The following CAMK1D variants were observed in gnomAD, a reference collection of about 807,000 sequenced individuals.
CAMK1D encodes the protein calcium/calmodulin dependent protein kinase ID, also known as calcium/calmodulin-dependent protein kinase type 1D.
CAMK1D carries 9 observed loss-of-function variants against 47.7 expected under a neutral mutation model. That is an observed-to-expected ratio of 0.19 (90% CI 0.11 to 0.33). The LOEUF (loss-of-function observed/expected upper bound fraction) is 0.33. CAMK1D is among the 10% of genes least tolerant of loss of function. The pLI, the probability that CAMK1D is intolerant of heterozygous loss-of-function variation, is 1.00. For missense variants in CAMK1D, 291 were observed against 488.7 expected (o/e 0.60, Z 3.81); for synonymous variants, 184 against 184.9 (o/e 0.99, Z 0.04).
intron 2 of CAMK1D, among the ~76,000 whole-genome samples, chr10:12,622,999 G>A (rs368344321): frequency 2.0e-5 from 3 of 148,666 alleles, no homozygotes; most frequent in South Asian, 2.2e-4. Flanking sequence ...CCAATCGTCC[G>A]TCCCGTCATC....
At chr10:12,774,943 G>A (rs1342565849) in intron 5 of CAMK1D, among the ~76,000 whole-genome samples, 1 of 152,286 alleles carries the variant, frequency 6.6e-6, no homozygotes, top group South Asian at 2.1e-4. Context: ...ATTGGGGATC[G>A]CTGCTCTAGG....
chr10:12,760,188 C>T (rs1836435319), intron 3 of CAMK1D, among the ~76,000 whole-genome samples: 1 of 152,122 alleles, frequency 6.6e-6, no homozygotes, highest in Non-Finnish European at 1.5e-5. Flanking sequence ...GAGGTTGCCC[C>T]CACAGGGCTT....
chr10:12,749,889 C>A (rs988492544), intron 3 of CAMK1D, among the ~76,000 whole-genome samples: 1 of 152,124 alleles, frequency 6.6e-6, no homozygotes, highest in South Asian at 2.1e-4. Context: ...CCACTGTGTC[C>A]GGCCAGAAAG....
intron 1 of CAMK1D, among the ~76,000 whole-genome samples, chr10:12,423,548 T>A (rs1212981352): frequency 6.6e-6 from 1 of 152,158 alleles, no homozygotes; most frequent in Non-Finnish European, 1.5e-5. Context: ...CCTTCAATTC[T>A]ACCTCATGAC....
At chr10:12,679,051 G>A (rs765948517) in intron 3 of CAMK1D, among the ~76,000 whole-genome samples, 3 of 152,086 alleles carry the variant, frequency 2.0e-5, no homozygotes, top group Non-Finnish European at 2.9e-5. Context: ...GTGAGCCACC[G>A]CACCCGGTCC....
intron 1 of CAMK1D, among the ~76,000 whole-genome samples, chr10:12,387,417 TTTATATA>T (rs1564307040): frequency 4.1e-5 from 2 of 48,260 alleles, no homozygotes; most frequent in African/African-American, 1.3e-4. Context: ...TTATATATAT[TTTATATA>T]TTTTATATAT....
At chr10:12,825,793 C>A (rs1044088487) in intron 10 of CAMK1D, 103 bp downstream of exon 10, 1 of 1,577,158 alleles carries the variant, frequency 6.3e-7, no homozygotes, top group Non-Finnish European at 8.6e-7. Context: ...GTTTGCCAGG[C>A]GCTTTCTATA....
In CAMK1D at chr10:12,832,513, G is replaced by A. The variant is rs988250189; in HGVS notation, c.*3626G>A. 6.6e-6 allele frequency: 1 copy of A among 152,198 alleles called. No individual in the cohort carries two copies. Among genetic ancestry groups the A allele is most frequent in the African/African-American group, 2.4e-5 (1 of 41,422 alleles). 9.4% of individuals were successfully genotyped at this position (152,198 alleles called of 1,614,324 possible). On this transcript the variant is annotated 3_prime_UTR_variant, in exon 11 of 11. Coordinates refer to ENST00000619168, the MANE Select transcript of CAMK1D (RefSeq NM_153498.4). The stretch of plus-strand genomic sequence containing the variant: ...ATGCACGGCTCTGGCAGTGCACAGT[G>A]GCTGATTTTCACCAGTTCCTCCTAC...
intron 6 of CAMK1D, among the ~76,000 whole-genome samples, chr10:12,796,786 G>A (rs1389413155): frequency 1.3e-5 from 2 of 152,134 alleles, no homozygotes; most frequent in Non-Finnish European, 2.9e-5. Context: ...GCCACTGTGG[G>A]CCCATGGTCT....
At chr10:12,515,267 C>G (rs1483331683) in intron 1 of CAMK1D, among the ~76,000 whole-genome samples, 2 of 152,062 alleles carry the variant, frequency 1.3e-5, no homozygotes, top group African/African-American at 4.8e-5. Context: ...ATTACCACCA[C>G]CACAATCGGA....
At chr10:12,599,795 C>A (rs1173290729) in intron 2 of CAMK1D, among the ~76,000 whole-genome samples, 1 of 152,196 alleles carries the variant, frequency 6.6e-6, no homozygotes. Flanking sequence ...CTCCCCATTG[C>A]CAGCTTCTGG....
chr10:12,671,750 C>T (rs1223861301), intron 3 of CAMK1D, among the ~76,000 whole-genome samples: 5 of 151,810 alleles, frequency 3.3e-5, no homozygotes, highest in African/African-American at 1.2e-4. Flanking sequence ...TCTTACCAGA[C>T]ATGATTTGCA....
In CAMK1D at chr10:12,381,480, C is replaced by T. The variant is rs184673773; in HGVS notation, c.92+31570C>T. ...CCTCCTGAGTAGCTGGGATTACAGG[C>T]GCATGCCACTGCACCTGGCTAATTT... On this transcript the variant is annotated intron_variant, in intron 1 of 10. Transcript: ENST00000619168. Among the ~76,000 whole-genome samples the T allele has an allele frequency of 1.4e-3, 212 of 151,932 alleles. 1 individual carries two copies. The highest frequency in any genetic ancestry group is 2.6e-3 in the Non-Finnish European group (174 of 67,990).
chr10:12,735,248 G>C (rs1412290387), intron 3 of CAMK1D, among the ~76,000 whole-genome samples: 45 of 152,086 alleles, frequency 3.0e-4, no homozygotes, highest in Admixed American at 2.9e-3. Context: ...AGGCCGAGGC[G>C]GGCGGATCAC....
At position 12,765,602 on chromosome 10, in the gene CAMK1D, C is replaced by T. The variant is rs372631365; in HGVS notation, c.439-4071C>T. Among the ~76,000 whole-genome samples, 9 of 152,336 alleles carry T rather than the reference C, an allele frequency of 5.9e-5. No individual in the cohort carries two copies. In the South Asian group the frequency reaches 8.3e-4, roughly 14 times the overall value. ...TTCCACCCGCGTGATCTCATCAGAT[C>T]CCTAATGCCTTTGAAGTGGCCTCAT... On this transcript the variant is annotated intron_variant, in intron 4 of 10. Coordinates refer to ENST00000619168, the MANE Select transcript of CAMK1D (RefSeq NM_153498.4).
intron 1 of CAMK1D, among the ~76,000 whole-genome samples, chr10:12,489,322 A>G (rs891123511): frequency 1.3e-5 from 2 of 152,154 alleles, no homozygotes; most frequent in Non-Finnish European, 2.9e-5. Flanking sequence ...AGGGCCTGAG[A>G]ACATGTGCTT....
At chr10:12,412,155 C>T (rs2131944809) in intron 1 of CAMK1D, among the ~76,000 whole-genome samples, 1 of 152,236 alleles carries the variant, frequency 6.6e-6, no homozygotes, top group East Asian at 1.9e-4. Context: ...TTTCTTTTAT[C>T]ACAGTCCTCA....
chr10:12,824,973 C>A (rs548818465), intron 9 of CAMK1D, among the ~76,000 whole-genome samples: 1 of 152,140 alleles, frequency 6.6e-6, no homozygotes, highest in Non-Finnish European at 1.5e-5. Flanking sequence ...TACCTGACTT[C>A]CTAATCTCTT....
At chr10:12,508,132 G>A (rs528387509) in intron 1 of CAMK1D, among the ~76,000 whole-genome samples, 1 of 152,316 alleles carries the variant, frequency 6.6e-6, no homozygotes, top group Admixed American at 6.5e-5. Flanking sequence ...GATGCTGCCT[G>A]TTCTCAGGGA....
Sources: gnomAD v4.1 joint callset for allele counts (sites outside exome capture counted in the v4.1 genomes callset) on GRCh38, gnomAD v4.1.1 for gene constraint, MANE v1.5 for transcripts, NCBI Gene and HGNC (gene_info 2026-07-23, HGNC 2026-07-21) for gene names.